The following AKR1C8 variants were observed in gnomAD, a reference collection of about 807,000 sequenced individuals.
AKR1C8 encodes the protein aldo-keto reductase family 1 member C8.
At chr10:5,126,236 C>CA in the AKR1C8 span, among the ~76,000 whole-genome samples, 1 of 152,148 alleles carries the variant, frequency 6.6e-6, no homozygotes, top group African/African-American at 2.4e-5. Flanking sequence ...TACACCTATA[C>CA]ACAGCTTTCC....
chr10:5,181,605 C>A, the AKR1C8 span, among the ~76,000 whole-genome samples: 1 of 152,044 alleles, frequency 6.6e-6, no homozygotes. Context: ...TGTGAGACTG[C>A]CAAAATGATA....
At chr10:5,167,881 G>A in the AKR1C8 span, among the ~76,000 whole-genome samples, 1 of 152,034 alleles carries the variant, frequency 6.6e-6, no homozygotes, top group Non-Finnish European at 1.5e-5. Flanking sequence ...TTACATTTAT[G>A]TGTGTGTTTT....
chr10:5,177,850 T>G, the AKR1C8 span, among the ~76,000 whole-genome samples: 609 of 152,316 alleles, frequency 4.0e-3, 8 homozygotes, highest in East Asian at 0.048. Context: ...TTTTACTGCA[T>G]CTATTTGATT....
chr10:5,144,213 G>T, the AKR1C8 span, among the ~76,000 whole-genome samples: 2 of 152,080 alleles, frequency 1.3e-5, no homozygotes, highest in South Asian at 2.1e-4. Flanking sequence ...TGAGGGCTCT[G>T]TTCTGTTCCA....
the AKR1C8 span, among the ~76,000 whole-genome samples, chr10:5,168,727 TA>T: frequency 2.6e-5 from 4 of 151,502 alleles, no homozygotes; most frequent in Non-Finnish European, 4.4e-5. Context: ...AGAAAACCAG[TA>T]AAAAGGGGAA....
At chr10:5,183,950 A>C in the AKR1C8 span, among the ~76,000 whole-genome samples, 1 of 152,310 alleles carries the variant, frequency 6.6e-6, no homozygotes. Context: ...GACTTCTAGG[A>C]AAGTCTCTTT....
At chr10:5,129,295 A>G in the AKR1C8 span, among the ~76,000 whole-genome samples, 6 of 152,092 alleles carry the variant, frequency 3.9e-5, no homozygotes, top group Non-Finnish European at 8.8e-5. Flanking sequence ...AGGCAAGTTC[A>G]TATCATTAAA....
At chr10:5,138,737 G>A in the AKR1C8 span, among the ~76,000 whole-genome samples, 855 of 151,968 alleles carry the variant, frequency 5.6e-3, 14 homozygotes, top group African/African-American at 0.019. Context: ...TCCATTCGGC[G>A]TCCCTGACTT....
chr10:5,159,323 C>G, the AKR1C8 span, among the ~76,000 whole-genome samples: 1 of 152,166 alleles, frequency 6.6e-6, no homozygotes, highest in Non-Finnish European at 1.5e-5. Context: ...TCACGTGGAT[C>G]GATGAGTAAG....
the AKR1C8 span, among the ~76,000 whole-genome samples, chr10:5,153,084 G>A: frequency 3.3e-5 from 5 of 152,066 alleles, no homozygotes; most frequent in Admixed American, 6.6e-5. Flanking sequence ...TAACAACTAC[G>A]TACTTATATG....
the AKR1C8 span, among the ~76,000 whole-genome samples, chr10:5,138,328 G>T: frequency 1.3e-5 from 2 of 152,034 alleles, no homozygotes; most frequent in African/African-American, 2.4e-5. Flanking sequence ...AATATTCCTT[G>T]CTAGGAAAAG....
At chr10:5,162,281 C>T in the AKR1C8 span, among the ~76,000 whole-genome samples, 2 of 152,138 alleles carry the variant, frequency 1.3e-5, no homozygotes, top group South Asian at 4.1e-4. Context: ...CAAGAAATGG[C>T]AGGACAGGGA....
the AKR1C8 span, among the ~76,000 whole-genome samples, chr10:5,179,794 G>A: frequency 6.6e-6 from 1 of 152,032 alleles, no homozygotes; most frequent in East Asian, 1.9e-4. Context: ...CATTCTTCAT[G>A]TAGTTCTCAA....
chr10:5,175,821 GTTGT>G, the AKR1C8 span, among the ~76,000 whole-genome samples: 41,844 of 151,202 alleles, frequency 0.28, 6,494 homozygotes, highest in Non-Finnish European at 0.36. Context: ...TTTTGATGGG[GTTGT>G]TTGTTTTTTT....
chr10:5,147,862 C>G, the AKR1C8 span, among the ~76,000 whole-genome samples: 1 of 152,298 alleles, frequency 6.6e-6, no homozygotes, highest in Non-Finnish European at 1.5e-5. Context: ...CACATCTCCA[C>G]TAGGTAGAAA....
the AKR1C8 span, among the ~76,000 whole-genome samples, chr10:5,164,942 T>C: frequency 6.6e-6 from 1 of 152,176 alleles, no homozygotes; most frequent in Non-Finnish European, 1.5e-5. Context: ...CTTCTTTGTA[T>C]ATAATGTTAT....
the AKR1C8 span, among the ~76,000 whole-genome samples, chr10:5,133,535 T>G: frequency 6.6e-6 from 1 of 152,146 alleles, no homozygotes; most frequent in Non-Finnish European, 1.5e-5. Context: ...AGCATCACAT[T>G]TTGAGAATAT....
the AKR1C8 span, among the ~76,000 whole-genome samples, chr10:5,181,618 T>G: frequency 2.6e-5 from 4 of 152,206 alleles, no homozygotes; most frequent in Non-Finnish European, 5.9e-5. Flanking sequence ...AAATGATATT[T>G]AATCTTCCTC....
the AKR1C8 span, among the ~76,000 whole-genome samples, chr10:5,178,297 A>G: frequency 1.3e-5 from 2 of 152,106 alleles, no homozygotes; most frequent in Non-Finnish European, 2.9e-5. Flanking sequence ...GTTTTGAGTG[A>G]GTTTCTTAAT....
Sources: allele counts gnomAD v4.1 joint callset (sites outside exome capture counted in the v4.1 genomes callset), GRCh38; gene constraint gnomAD v4.1.1; transcripts MANE v1.5; gene names NCBI Gene and HGNC (gene_info 2026-07-23, HGNC 2026-07-21).